Variants in GLMN observed in about 807,000 individuals in gnomAD.
GLMN encodes glomulin.
In GLMN, 75 loss-of-function variants were observed where a neutral mutation model predicts 87.8. The ratio of observed to expected loss-of-function variants is 0.85; its 90% CI spans 0.71 to 1.04. The LOEUF is 1.04. GLMN is among the 50% of genes least tolerant of loss of function. The pLI is 0.00. For missense variants in GLMN, 588 were observed against 658.8 expected (o/e 0.89, Z 1.18); for synonymous variants, 206 against 221.6 (o/e 0.93, Z 0.63).
chr1:92,286,946 A>G (rs1648824226), intron 6 of GLMN, among the ~76,000 whole-genome samples: 1 of 152,204 alleles, frequency 6.6e-6, no homozygotes. Context: ...TGAACCAATG[A>G]ATTTCTGTTC....
chr1:92,262,728 G>C (rs1247553846), intron 16 of GLMN, 135 bp downstream of exon 16: 3 of 554,416 alleles, frequency 5.4e-6, no homozygotes, highest in Non-Finnish European at 1.0e-5. Flanking sequence ...TCAGGTTTCA[G>C]AATAATTGTT....
intron 8 of GLMN, among the ~76,000 whole-genome samples, chr1:92,270,736 TTATAA>T (rs1370821792): frequency 9.2e-5 from 14 of 152,084 alleles, no homozygotes; most frequent in Non-Finnish European, 1.8e-4. Flanking sequence ...GTCAAGGTAA[TTATAA>T]TAGAAGGATT....
At chr1:92,275,055 T>C (rs1265066451) in intron 7 of GLMN, among the ~76,000 whole-genome samples, 1 of 152,202 alleles carries the variant, frequency 6.6e-6, no homozygotes, top group African/African-American at 2.4e-5. Context: ...TGAGTATTGC[T>C]GGATAAAAAA....
At chr1:92,289,367 A>G (rs962017318) in intron 5 of GLMN, among the ~76,000 whole-genome samples, 4 of 152,214 alleles carry the variant, frequency 2.6e-5, no homozygotes, top group African/African-American at 9.7e-5. Context: ...GGTTATGTTT[A>G]TAACAGACTA....
chr1:92,368,574 G>A, the GLMN span, among the ~76,000 whole-genome samples: 6 of 152,146 alleles, frequency 3.9e-5, 1 homozygote, highest in Admixed American at 2.0e-4. Context: ...GTTTAGTCAA[G>A]AGTTTGTACA....
chr1:92,328,132 G>A, the GLMN span, among the ~76,000 whole-genome samples: 4 of 152,084 alleles, frequency 2.6e-5, no homozygotes, highest in Admixed American at 6.5e-5. Flanking sequence ...ACTATGTGCC[G>A]GGGCAATGAT....
the GLMN span, among the ~76,000 whole-genome samples, chr1:92,349,682 T>C: frequency 2.0e-5 from 3 of 152,078 alleles, no homozygotes; most frequent in Non-Finnish European, 4.4e-5. Flanking sequence ...AATCCCAGCA[T>C]TTTGGGAGGC....
chr1:92,249,408 C>A (rs1653145162), intron 16 of GLMN, among the ~76,000 whole-genome samples: 2 of 151,896 alleles, frequency 1.3e-5, no homozygotes, highest in African/African-American at 4.8e-5. Context: ...TTTCCTTAAC[C>A]AGTGTAGCCA....
chr1:92,273,233 G>A (rs1006121288), intron 7 of GLMN, among the ~76,000 whole-genome samples: 5 of 152,248 alleles, frequency 3.3e-5, no homozygotes, highest in Admixed American at 3.3e-4. Flanking sequence ...AGGAACCATG[G>A]AAAATCATCC....
intron 13 of GLMN, among the ~76,000 whole-genome samples, chr1:92,264,972 G>A (rs1017554695): frequency 1.3e-5 from 2 of 152,150 alleles, no homozygotes; most frequent in Non-Finnish European, 2.9e-5. Flanking sequence ...CTCCTGAGTA[G>A]CTGTGATTAC....
rs141135977 is a variant in GLMN, at chr1:92,291,778, T to C, written c.166-241A>G. ...GGGTCTTTACTTTTTATCAGGCAAG[T>C]TGGTGTTTCCCAAGATTTAAATAGT... On this transcript the variant is annotated intron_variant, in intron 3 of 18. Coordinates refer to ENST00000370360, the MANE Select transcript of GLMN (RefSeq NM_053274.3). Among the ~76,000 whole-genome samples, 383 of 152,306 alleles carry C rather than the reference T, an allele frequency of 2.5e-3. 3 individuals are homozygous for C. Among genetic ancestry groups the C allele is most frequent in the South Asian group, 9.1e-3 (44 of 4,810 alleles).
In GLMN at chr1:92,265,351, T is replaced by A. The variant is rs147046407; in HGVS notation, c.1215-713A>T. Among the ~76,000 whole-genome samples, 11 of 149,834 alleles carry A rather than the reference T, an allele frequency of 7.3e-5. No individual in the cohort carries two copies. The East Asian group carries it at 7.8e-4, about 11-fold the overall frequency. On this transcript the variant is annotated intron_variant, in intron 13 of 18. Transcript: ENST00000370360. The stretch of plus-strand genomic sequence containing the variant: ...AAAAAAAAAAAAAACTAGATATGAC[T>A]AGCTTAAGAAAAAAAGGGGATTTAT...
At chr1:92,335,105 C>T in the GLMN span, among the ~76,000 whole-genome samples, 1 of 152,108 alleles carries the variant, frequency 6.6e-6, no homozygotes, top group Non-Finnish European at 1.5e-5. Flanking sequence ...TGATTATGCT[C>T]GTGATTAAAC....
intron 7 of GLMN, among the ~76,000 whole-genome samples, chr1:92,274,022 G>T (rs1204336383): frequency 2.0e-5 from 3 of 152,184 alleles, no homozygotes; most frequent in Non-Finnish European, 4.4e-5. Flanking sequence ...CCAAAGTGAG[G>T]ATGGCTGAGG....
the GLMN span, chr1:92,320,500 T>A: frequency 3.5e-6 from 3 of 867,746 alleles, no homozygotes; most frequent in Non-Finnish European, 3.8e-6. Flanking sequence ...CTCAATCTCC[T>A]GACCTCGAGA....
At position 92,271,464 on chromosome 1, in the gene GLMN, C is replaced by T; in HGVS notation, c.923+1G>A. On this transcript the variant is annotated splice_donor_variant, in intron 8 of 18. Transcript: ENST00000370360. LOFTEE classifies it high-confidence loss of function. ...TGAATAAACCAAACACTAACTCTTA[C>T]CTTAAGACCATTGGAAGCTGATCAA... The T allele has an allele frequency of 6.2e-7, 1 of 1,608,774 alleles. No homozygotes were observed. Among genetic ancestry groups the T allele is most frequent in the South Asian group, 1.1e-5 (1 of 90,976 alleles).
chr1:92,348,292 T>TCTAA, the GLMN span, among the ~76,000 whole-genome samples: 1 of 152,240 alleles, frequency 6.6e-6, no homozygotes, highest in Non-Finnish European at 1.5e-5. Flanking sequence ...TACCTCTAGA[T>TCTAA]CTAACCTTCC....
At chr1:92,296,214 A>G (rs369239850) in intron 3 of GLMN, among the ~76,000 whole-genome samples, 155 of 152,320 alleles carry the variant, frequency 1.0e-3, no homozygotes, top group African/African-American at 3.4e-3. Flanking sequence ...AACTTCTAAT[A>G]AATAAGTAGC....
intron 16 of GLMN, among the ~76,000 whole-genome samples, chr1:92,249,497 T>C (rs1653160740): frequency 6.6e-6 from 1 of 152,052 alleles, no homozygotes; most frequent in African/African-American, 2.4e-5. Flanking sequence ...CTATCCAGCC[T>C]TTTTCTTTTA....
Sources: allele counts gnomAD v4.1 joint callset (sites outside exome capture counted in the v4.1 genomes callset), GRCh38; gene constraint gnomAD v4.1.1; transcripts MANE v1.5; gene names NCBI Gene and HGNC (gene_info 2026-07-23, HGNC 2026-07-21).